Variants in NR2F1-AS1 observed in about 807,000 individuals in gnomAD.
NR2F1-AS1 encodes NR2F1 regulatory antisense RNA 1.
chr5:93,481,604 G>A (rs1750601492), intron 4 of NR2F1-AS1, among the ~76,000 whole-genome samples: 1 of 152,136 alleles, frequency 6.6e-6, no homozygotes, highest in Admixed American at 6.5e-5. Context: ...GGAAGAATAT[G>A]TATTCTTCTC....
At chr5:93,444,501 T>G (rs765918165) in intron 4 of NR2F1-AS1, among the ~76,000 whole-genome samples, 1 of 152,164 alleles carries the variant, frequency 6.6e-6, no homozygotes. Context: ...AAGCGCTAAC[T>G]ATCCTAAATA....
intron 1 of NR2F1-AS1, among the ~76,000 whole-genome samples, chr5:93,564,866 T>G (rs982420573): frequency 6.6e-6 from 1 of 152,198 alleles, no homozygotes; most frequent in African/African-American, 2.4e-5. Flanking sequence ...TTTATTACAT[T>G]ATATCTAAAT....
At chr5:93,446,249 G>A (rs1749703834) in intron 4 of NR2F1-AS1, among the ~76,000 whole-genome samples, 1 of 152,168 alleles carries the variant, frequency 6.6e-6, no homozygotes, top group Non-Finnish European at 1.5e-5. Context: ...TAGGAAAAGA[G>A]GAAGTCAAAT....
intron 4 of NR2F1-AS1, among the ~76,000 whole-genome samples, chr5:93,494,958 T>C (rs773980587): frequency 6.6e-6 from 1 of 152,148 alleles, no homozygotes; most frequent in Non-Finnish European, 1.5e-5. Flanking sequence ...ACATATTGTA[T>C]GGTTCCATTT....
At chr5:93,564,729 T>C (rs12188905) in intron 1 of NR2F1-AS1, among the ~76,000 whole-genome samples, 16,017 of 152,156 alleles carry the variant, frequency 0.11, 949 homozygotes, top group Middle Eastern at 0.16. Flanking sequence ...TTCAGAGACA[T>C]ATACATGTAA....
chr5:93,543,877 A>G (rs1222334862), intron 4 of NR2F1-AS1: 6 of 152,228 alleles, frequency 3.9e-5, no homozygotes, highest in Admixed American at 3.9e-4. Flanking sequence ...TTCCAATACT[A>G]TGATTCAGCA....
intron 2 of NR2F1-AS1, among the ~76,000 whole-genome samples, chr5:93,561,440 T>C (rs1752484884): frequency 1.3e-5 from 2 of 152,120 alleles, no homozygotes; most frequent in Admixed American, 6.5e-5. Flanking sequence ...TCAAAGCTAA[T>C]GTATGGTCAA....
intron 4 of NR2F1-AS1, among the ~76,000 whole-genome samples, chr5:93,528,938 T>A (rs1483515122): frequency 6.6e-6 from 1 of 151,936 alleles, no homozygotes. Flanking sequence ...AGGAGAAATA[T>A]CTAATGTAGA....
At chr5:93,457,760 C>G (rs1191672276) in intron 4 of NR2F1-AS1, among the ~76,000 whole-genome samples, 4 of 151,334 alleles carry the variant, frequency 2.6e-5, no homozygotes, top group African/African-American at 9.7e-5. Flanking sequence ...TTTTTTTTAG[C>G]TAACTCTGTC....
intron 4 of NR2F1-AS1, among the ~76,000 whole-genome samples, chr5:93,487,460 A>C (rs1750748559): frequency 6.6e-6 from 1 of 151,736 alleles, no homozygotes; most frequent in Admixed American, 6.6e-5. Context: ...ATAATAGACA[A>C]ACAGCCAAAT....
chr5:93,585,138 G>GAGC, upstream of NR2F1-AS1: 13 of 1,079,662 alleles, frequency 1.2e-5, no homozygotes, highest in South Asian at 4.4e-5. Context: ...CGGCGCCGGC[G>GAGC]AGCAGCAGCA....
At chr5:93,455,863 AC>A (rs1188577290) in intron 4 of NR2F1-AS1, among the ~76,000 whole-genome samples, 2 of 151,910 alleles carry the variant, frequency 1.3e-5, no homozygotes, top group Non-Finnish European at 2.9e-5. Context: ...ACACACACAC[AC>A]ACCTGAAAAG....
At chr5:93,482,672 C>A (rs1750625496) in intron 4 of NR2F1-AS1, among the ~76,000 whole-genome samples, 1 of 152,168 alleles carries the variant, frequency 6.6e-6, no homozygotes, top group Admixed American at 6.5e-5. Flanking sequence ...ACCCCAGCCC[C>A]ATGGAGCCAA....
intron 4 of NR2F1-AS1, among the ~76,000 whole-genome samples, chr5:93,443,283 A>C (rs1216914025): frequency 6.6e-6 from 1 of 152,214 alleles, no homozygotes; most frequent in Non-Finnish European, 1.5e-5. Flanking sequence ...CCCATCACAA[A>C]GAAGCTAAAA....
chr5:93,414,541 C>T (rs969816336), intron 4 of NR2F1-AS1, among the ~76,000 whole-genome samples: 1 of 152,158 alleles, frequency 6.6e-6, no homozygotes, highest in African/African-American at 2.4e-5. Context: ...AGTCTCCGAT[C>T]TGTGTAGGTA....
intron 4 of NR2F1-AS1, among the ~76,000 whole-genome samples, chr5:93,525,568 A>G (rs1230445676): frequency 6.6e-6 from 1 of 152,216 alleles, no homozygotes; most frequent in Non-Finnish European, 1.5e-5. Context: ...TCTTCTCAGC[A>G]CCACATTGCA....
At chr5:93,582,737 T>C (rs1219875227), upstream of NR2F1-AS1, among the ~76,000 whole-genome samples, 2 of 151,448 alleles carry the variant, frequency 1.3e-5, no homozygotes, top group East Asian at 1.9e-4. Context: ...GTTCTCCCCC[T>C]CGTCATCCCT....
intron 4 of NR2F1-AS1, among the ~76,000 whole-genome samples, chr5:93,513,782 G>A (rs192215387): frequency 6.6e-6 from 1 of 152,110 alleles, no homozygotes; most frequent in Admixed American, 6.6e-5. Context: ...TAACAAACTT[G>A]CACATGTAAC....
chr5:93,444,198 C>A (rs909598887), intron 4 of NR2F1-AS1, among the ~76,000 whole-genome samples: 1 of 152,150 alleles, frequency 6.6e-6, no homozygotes, highest in Non-Finnish European at 1.5e-5. Context: ...TCACACATAA[C>A]AATATTAACC....
Sources: gnomAD v4.1 joint callset for allele counts (sites outside exome capture counted in the v4.1 genomes callset) on GRCh38, gnomAD v4.1.1 for gene constraint, MANE v1.5 for transcripts, NCBI Gene and HGNC (gene_info 2026-07-23, HGNC 2026-07-21) for gene names.